Variants in GLP2R observed in about 807,000 individuals in gnomAD.
GLP2R encodes glucagon like peptide 2 receptor.
Under a neutral mutation model 68.2 loss-of-function variants are expected in GLP2R, and 59 were observed. That is an observed-to-expected ratio of 0.87 (90% CI 0.70 to 1.07). The LOEUF (loss-of-function observed/expected upper bound fraction) is 1.07. GLP2R is among the 50% of genes least tolerant of loss of function. The pLI, the probability that GLP2R is intolerant of heterozygous loss-of-function variation, is 0.00. For missense variants in GLP2R, 548 were observed against 677.4 expected (o/e 0.81, Z 2.12); for synonymous variants, 270 against 265.4 (o/e 1.02, Z -0.17).
At chr17:9,830,673 A>G (rs1175489682) in intron 1 of GLP2R, among the ~76,000 whole-genome samples, 1 of 152,206 alleles carries the variant, frequency 6.6e-6, no homozygotes, top group Non-Finnish European at 1.5e-5. Flanking sequence ...TTAATTTTTC[A>G]AGGGAAGTAC....
chr17:9,837,738 G>GTGAT (rs3073890), intron 3 of GLP2R, among the ~76,000 whole-genome samples: 30,724 of 151,892 alleles, frequency 0.2, 5,068 homozygotes, highest in African/African-American at 0.44. Context: ...GAGGAGAGAG[G>GTGAT]TGATTACTGG....
chr17:9,859,754 G>T (rs563058624), intron 6 of GLP2R, among the ~76,000 whole-genome samples, 188 bp from the exon 7 acceptor site: 1 of 146,262 alleles, frequency 6.8e-6, no homozygotes, highest in East Asian at 2.0e-4. Flanking sequence ...GGGAGCTGGA[G>T]GTTGCAGTGT....
chr17:9,886,647 TA>T (rs2067246319), intron 11 of GLP2R, among the ~76,000 whole-genome samples: 1 of 152,158 alleles, frequency 6.6e-6, no homozygotes, highest in African/African-American at 2.4e-5. Context: ...TCTAGGTGCA[TA>T]AGAGAAGGAA....
chr17:9,848,680 A>G (rs1278888505), intron 4 of GLP2R, among the ~76,000 whole-genome samples: 1 of 152,158 alleles, frequency 6.6e-6, no homozygotes, highest in Non-Finnish European at 1.5e-5. Context: ...CAAATACTTA[A>G]CAAAAAAAAC....
chr17:9,880,795 G>A (rs1268505129), intron 11 of GLP2R, among the ~76,000 whole-genome samples: 1 of 152,212 alleles, frequency 6.6e-6, no homozygotes, highest in Non-Finnish European at 1.5e-5. Context: ...GAGTGTCAAT[G>A]TGAAGCCTTT....
intron 9 of GLP2R, among the ~76,000 whole-genome samples, chr17:9,864,879 G>C (rs750596821): frequency 4.6e-5 from 7 of 152,146 alleles, no homozygotes; most frequent in Non-Finnish European, 1.0e-4. Context: ...ACTGCTTTGG[G>C]CCTTGCTGCT....
chr17:9,834,947 C>T (rs1216547730), intron 2 of GLP2R, among the ~76,000 whole-genome samples: 1 of 151,940 alleles, frequency 6.6e-6, no homozygotes, highest in Non-Finnish European at 1.5e-5. Flanking sequence ...ACCTGGCAGC[C>T]AGGTCGACAT....
At chr17:9,856,404 C>T (rs941887578) in intron 5 of GLP2R, among the ~76,000 whole-genome samples, 4 of 152,162 alleles carry the variant, frequency 2.6e-5, no homozygotes, top group Non-Finnish European at 4.4e-5. Flanking sequence ...CAAGAACCTG[C>T]CTCAGGTCCT....
rs17743980 is a variant in GLP2R at position 9,890,522 on chromosome 17, G to A, written c.*817G>A. The A allele has an allele frequency of 0.2, 30,440 of 155,088 alleles. 3,938 individuals are homozygous for A. The highest frequency in any genetic ancestry group is 0.29 in the Non-Finnish European group (20,459 of 70,192). 9.6% of individuals were successfully genotyped at this position (155,088 alleles called of 1,614,324 possible). Reference sequence around the variant, plus strand: ...AGTGCCTGGGGACCCTCTGAATGTCGTCTTTGGTCTGTTCCTCTCCTTTCT... The same window carrying A: ...AGTGCCTGGGGACCCTCTGAATGTCATCTTTGGTCTGTTCCTCTCCTTTCT... On this transcript the variant is annotated 3_prime_UTR_variant, in exon 13 of 13. Transcript: ENST00000262441.
chr17:9,856,685 G>A (rs2152038400), intron 5 of GLP2R, among the ~76,000 whole-genome samples: 1 of 152,300 alleles, frequency 6.6e-6, no homozygotes, highest in South Asian at 2.1e-4. Flanking sequence ...AAGAAACTGG[G>A]AGACCTATGC....
chr17:9,833,707 G>T, intron 1 of GLP2R, 100 bp from the exon 2 acceptor site: 1 of 706,044 alleles, frequency 1.4e-6, no homozygotes, highest in East Asian at 2.5e-5. Flanking sequence ...GGGCCATTGT[G>T]GGCACTTCAG....
At chr17:9,869,892 C>T (rs1249827626) in intron 9 of GLP2R, among the ~76,000 whole-genome samples, 1 of 152,144 alleles carries the variant, frequency 6.6e-6, no homozygotes, top group African/African-American at 2.4e-5. Context: ...GGGGGATTAG[C>T]CTCCACTTTT....
At chr17:9,827,411 C>T (rs1270787341) in intron 1 of GLP2R, among the ~76,000 whole-genome samples, 2 of 152,076 alleles carry the variant, frequency 1.3e-5, no homozygotes, top group Non-Finnish European at 2.9e-5. Flanking sequence ...AACTGAGTCT[C>T]GGAGAAGTTG....
intron 5 of GLP2R, among the ~76,000 whole-genome samples, chr17:9,856,273 G>A (rs1317411420): frequency 6.6e-6 from 1 of 152,202 alleles, no homozygotes; most frequent in Non-Finnish European, 1.5e-5. Context: ...AGTCACTTCG[G>A]CCAAGCCTGG....
intron 4 of GLP2R, among the ~76,000 whole-genome samples, chr17:9,844,952 A>C (rs1009459837): frequency 6.6e-6 from 1 of 151,412 alleles, no homozygotes; most frequent in Non-Finnish European, 1.5e-5. Flanking sequence ...TGGCCTCCCA[A>C]AGTGCTGGGA....
At chr17:9,864,082 G>C (rs2067011606) in intron 9 of GLP2R, among the ~76,000 whole-genome samples, 1 of 152,198 alleles carries the variant, frequency 6.6e-6, no homozygotes, top group Non-Finnish European at 1.5e-5. Flanking sequence ...AAACTGGGTT[G>C]CTCTTGGAAT....
chr17:9,861,088 C>G lies in GLP2R; in HGVS notation c.926-51C>G, dbSNP rs777088759. 3 of 1,327,242 alleles carry G rather than the reference C, an allele frequency of 2.3e-6. No individual in the cohort carries two copies. In the Admixed American group the frequency reaches 5.0e-5, roughly 22 times the overall value. The allele number at this position is 1,327,242 out of a possible 1,614,324, so 82.2% of individuals were successfully genotyped here. A position where few individuals can be genotyped will look rare whatever the true frequency, so the allele number is the denominator to read the frequency against. ...CTCATCCGCTGTGGTGGGAGGCAAG[C>G]AGGTTTGGCCAACCAACTCCTAACT... On this transcript the variant is annotated intron_variant, in intron 7 of 12. Transcript: ENST00000262441.
chr17:9,830,428 T>C (rs2066670359), intron 1 of GLP2R, among the ~76,000 whole-genome samples: 1 of 152,244 alleles, frequency 6.6e-6, no homozygotes, highest in South Asian at 2.1e-4. Flanking sequence ...ATGGTGCCAT[T>C]AAAGATGTTT....
chr17:9,865,893 G>C (rs1244657347), intron 9 of GLP2R: 1 of 471,068 alleles, frequency 2.1e-6, no homozygotes, highest in African/African-American at 2.0e-5. Context: ...TTGGTCACAA[G>C]GAAGACATTT....
Sources: allele counts gnomAD v4.1 joint callset (sites outside exome capture counted in the v4.1 genomes callset), GRCh38; gene constraint gnomAD v4.1.1; transcripts MANE v1.5; gene names NCBI Gene and HGNC (gene_info 2026-07-23, HGNC 2026-07-21).